PAPSS2: variants seen among roughly 807,000 people sequenced by gnomAD.
PAPSS2 encodes the protein 3'-phosphoadenosine 5'-phosphosulfate synthase 2, also known as bifunctional 3'-phosphoadenosine 5'-phosphosulfate synthase 2.
A neutral mutation model predicts 66.5 loss-of-function variants in PAPSS2; 61 were observed. The ratio of observed to expected loss-of-function variants is 0.92; its 90% confidence interval spans 0.75 to 1.14. PAPSS2 has a LOEUF of 1.14. PAPSS2 is among the 50% of genes most tolerant of loss of function. The probability of loss-of-function intolerance (pLI) is 0.00; values close to 1 mark genes in which losing one functional copy is unlikely to be tolerated. For synonymous variants in PAPSS2, 289 were observed against 287.5 expected (o/e 1.01, Z -0.05); for missense variants, 708 against 789.6 (o/e 0.90, Z 1.24).
intron 9 of PAPSS2, among the ~76,000 whole-genome samples, chr10:87,730,133 A>C (rs1347713654): frequency 6.6e-6 from 1 of 152,238 alleles, no homozygotes; most frequent in Non-Finnish European, 1.5e-5. Context: ...CCTTATTGCC[A>C]ATGTAGGGGT....
intron 1 of PAPSS2, among the ~76,000 whole-genome samples, chr10:87,688,974 AC>A (rs112850608): frequency 0.25 from 37,231 of 151,038 alleles, 4,609 homozygotes; most frequent in African/African-American, 0.3. Context: ...AAAAAAAAAA[AC>A]TGTATGGAAA....
intron 7 of PAPSS2, among the ~76,000 whole-genome samples, chr10:87,721,164 A>G (rs1034423230): frequency 6.6e-6 from 1 of 152,262 alleles, no homozygotes; most frequent in Non-Finnish European, 1.5e-5. Flanking sequence ...ACCACTGTGA[A>G]GATATTTTGT....
At chr10:87,725,602 A>T (rs573823988) in intron 8 of PAPSS2, among the ~76,000 whole-genome samples, 41 of 152,330 alleles carry the variant, frequency 2.7e-4, no homozygotes, top group Admixed American at 5.9e-4. Flanking sequence ...TTTAGGAAAG[A>T]GGGAGCAGGA....
intron 2 of PAPSS2, among the ~76,000 whole-genome samples, chr10:87,711,952 C>A (rs1853467211): frequency 6.6e-6 from 1 of 152,066 alleles, no homozygotes; most frequent in South Asian, 2.1e-4. Context: ...CCTAAAGGAC[C>A]CATTTTTTTT....
chr10:87,682,861 T>C (rs1000338598), intron 1 of PAPSS2, among the ~76,000 whole-genome samples: 9 of 151,844 alleles, frequency 5.9e-5, no homozygotes, highest in Non-Finnish European at 1.3e-4. Context: ...CCAGTAAAGG[T>C]GAAGCAGCTG....
chr10:87,709,543 G>A (rs1853440006), intron 2 of PAPSS2, among the ~76,000 whole-genome samples: 1 of 152,146 alleles, frequency 6.6e-6, no homozygotes, highest in Non-Finnish European at 1.5e-5. Context: ...AAAGTCTCTA[G>A]TTGTCACTTT....
chr10:87,683,141 G>A (rs965553205), intron 1 of PAPSS2, among the ~76,000 whole-genome samples: 4 of 137,516 alleles, frequency 2.9e-5, no homozygotes, highest in Non-Finnish European at 4.5e-5. Flanking sequence ...CCTAGGCACT[G>A]GAGTGCAGTG....
At chr10:87,735,282 C>A (rs144603346) in intron 9 of PAPSS2, among the ~76,000 whole-genome samples, 36 of 152,242 alleles carry the variant, frequency 2.4e-4, no homozygotes, top group African/African-American at 8.4e-4. Flanking sequence ...GATAGAGATG[C>A]CCCTTGTCCC....
chr10:87,726,755 A>C (rs551530959), intron 8 of PAPSS2, among the ~76,000 whole-genome samples: 1 of 152,340 alleles, frequency 6.6e-6, no homozygotes, highest in East Asian at 1.9e-4. Flanking sequence ...TCTCATTCCC[A>C]TAGATTCATA....
rs66686947 is a variant in PAPSS2, at chr10:87,734,663, GTATATATATATA to G, written c.1087-6540_1087-6529del. Among the ~76,000 whole-genome samples the G allele has an allele frequency of 1.6e-3, 126 of 81,114 alleles. 1 individual carries two copies. The highest frequency in any genetic ancestry group is 6.4e-3 in the South Asian group (12 of 1,876). The allele number at this position is 81,114 out of a possible 152,430, so 53.2% of individuals were successfully genotyped here. A position where few individuals can be genotyped will look rare whatever the true frequency, so the allele number is the denominator to read the frequency against. On this transcript the variant is annotated intron_variant, in intron 9 of 12. Coordinates refer to ENST00000456849, the MANE Select transcript of PAPSS2 (RefSeq NM_001015880.2). Reference sequence around the variant, plus strand: ...TGATAGCACAGAAATGAATGTGTGTGTATATATATATATATATATATATATATATATATATAT... The same window carrying G: ...TGATAGCACAGAAATGAATGTGTGTGTATATATATATATATATATATATAT...
At chr10:87,672,623 A>G (rs1386726744) in intron 1 of PAPSS2, among the ~76,000 whole-genome samples, 1 of 152,190 alleles carries the variant, frequency 6.6e-6, no homozygotes, top group Non-Finnish European at 1.5e-5. Context: ...TTTGTGTATA[A>G]TTGCAGATCA....
chr10:87,718,990 C>T (rs1853565054), intron 7 of PAPSS2, among the ~76,000 whole-genome samples: 1 of 152,180 alleles, frequency 6.6e-6, no homozygotes, highest in Non-Finnish European at 1.5e-5. Flanking sequence ...CTTCTTTTCC[C>T]TGTGGGAATT....
intron 1 of PAPSS2, among the ~76,000 whole-genome samples, chr10:87,673,034 C>G (rs1045955829): frequency 6.6e-6 from 1 of 152,078 alleles, no homozygotes. Flanking sequence ...ACTGTCTGAT[C>G]CTTTAAGAAA....
At chr10:87,695,442 A>G (rs1393421148) in intron 1 of PAPSS2, among the ~76,000 whole-genome samples, 1 of 152,248 alleles carries the variant, frequency 6.6e-6, no homozygotes, top group Non-Finnish European at 1.5e-5. Context: ...CAGCCTGTAC[A>G]TAAAAAATGA....
chr10:87,681,391 A>G (rs184009275), intron 1 of PAPSS2, among the ~76,000 whole-genome samples: 18 of 152,342 alleles, frequency 1.2e-4, no homozygotes, highest in Non-Finnish European at 5.9e-5. Context: ...TTAGAGTCAA[A>G]ATACACTGTC....
In PAPSS2 at chr10:87,715,847, T is replaced by C. The variant is rs746039103; in HGVS notation, c.865+4T>C. ...CACTTTGACACCCTGCTAGATGGTATGTTTTTGTTGTTGTTTCTTACTCTT... is the reference window on the plus strand; with the variant it reads ...CACTTTGACACCCTGCTAGATGGTACGTTTTTGTTGTTGTTTCTTACTCTT... On this transcript the variant is annotated splice_donor_region_variant and intron_variant, in intron 7 of 12. Transcript: ENST00000456849. The C allele has an allele frequency of 5.3e-6, 8 of 1,512,634 alleles. No homozygotes were observed. In the Admixed American group the frequency reaches 1.3e-4, roughly 25 times the overall value. The allele number at this position is 1,512,634 out of a possible 1,614,324, so 93.7% of individuals were successfully genotyped here.
chr10:87,725,884 T>TACACACACACGC (rs1554866908), intron 8 of PAPSS2, among the ~76,000 whole-genome samples: 1 of 140,352 alleles, frequency 7.1e-6, no homozygotes, highest in Non-Finnish European at 1.5e-5. Flanking sequence ...TATGTGTGTA[T>TACACACACACGC]ACACACACAC....
chr10:87,670,576 GCACA>G (rs3221014), intron 1 of PAPSS2, among the ~76,000 whole-genome samples: 20 of 149,726 alleles, frequency 1.3e-4, no homozygotes, highest in South Asian at 6.4e-4. Flanking sequence ...AAAAGATGGA[GCACA>G]CACACACACA....
At chr10:87,673,510 G>A (rs564074556) in intron 1 of PAPSS2, among the ~76,000 whole-genome samples, 1 of 151,736 alleles carries the variant, frequency 6.6e-6, no homozygotes, top group Admixed American at 6.6e-5. Context: ...AGACATTTCT[G>A]TCTAGTTTTA....
Sources: gnomAD v4.1 joint callset for allele counts (sites outside exome capture counted in the v4.1 genomes callset) on GRCh38, gnomAD v4.1.1 for gene constraint, MANE v1.5 for transcripts, NCBI Gene and HGNC (gene_info 2026-07-23, HGNC 2026-07-21) for gene names.